CTNNA2: variants seen among roughly 807,000 people sequenced by gnomAD.
CTNNA2 encodes catenin alpha 2.
CTNNA2 carries 42 observed loss-of-function variants against 101.0 expected under a neutral mutation model. The ratio of observed to expected loss-of-function variants is 0.42; its 90% CI spans 0.32 to 0.54. The LOEUF is 0.54. CTNNA2 is among the 20% of genes least tolerant of loss of function. The probability of loss-of-function intolerance (pLI) is 0.14; values close to 1 mark genes in which losing one functional copy is unlikely to be tolerated. For missense variants in CTNNA2, 871 were observed against 1,223.1 expected (o/e 0.71, Z 4.29); for synonymous variants, 450 against 456.4 (o/e 0.99, Z 0.18).
chr2:79,399,351 A>G (rs972249619), intron 4 of CTNNA2, among the ~76,000 whole-genome samples: 1 of 152,098 alleles, frequency 6.6e-6, no homozygotes, highest in African/African-American at 2.4e-5. Context: ...AGATTTGAGT[A>G]GACACTAAGC....
chr2:79,888,733 T>C (rs1443898916), intron 6 of CTNNA2, among the ~76,000 whole-genome samples: 1 of 152,208 alleles, frequency 6.6e-6, no homozygotes. Context: ...CTAGTGTGAC[T>C]GATTTTTGCT....
intron 7 of CTNNA2, among the ~76,000 whole-genome samples, chr2:80,147,482 G>A (rs1031990579): frequency 9.9e-5 from 15 of 152,150 alleles, no homozygotes; most frequent in African/African-American, 3.6e-4. Flanking sequence ...GGTCCTAGCT[G>A]AGGGGCACCA....
chr2:80,165,582 T>C (rs1347232597), intron 7 of CTNNA2, among the ~76,000 whole-genome samples: 1 of 152,188 alleles, frequency 6.6e-6, no homozygotes, highest in Non-Finnish European at 1.5e-5. Context: ...TCTGTTGACA[T>C]GTAAGTGGGG....
At chr2:80,127,898 C>T (rs1702224102) in intron 7 of CTNNA2, among the ~76,000 whole-genome samples, 1 of 152,118 alleles carries the variant, frequency 6.6e-6, no homozygotes, top group Admixed American at 6.6e-5. Flanking sequence ...TCAGTATGAT[C>T]TCTGTGGGAG....
At chr2:79,713,051 C>T (rs2104818451) in intron 2 of CTNNA2, among the ~76,000 whole-genome samples, 1 of 152,230 alleles carries the variant, frequency 6.6e-6, no homozygotes, top group South Asian at 2.1e-4. Flanking sequence ...CCAACCTGGG[C>T]TTTCTTTACA....
intron 3 of CTNNA2, among the ~76,000 whole-genome samples, chr2:79,758,936 A>G (rs1426466417): frequency 6.6e-6 from 1 of 152,178 alleles, no homozygotes; most frequent in East Asian, 1.9e-4. Context: ...TGTTAGGTGC[A>G]TGTTAATAAA....
At chr2:79,303,415 G>A (rs1011416358) in intron 2 of CTNNA2, among the ~76,000 whole-genome samples, 2 of 152,060 alleles carry the variant, frequency 1.3e-5, no homozygotes, top group Non-Finnish European at 2.9e-5. Flanking sequence ...CTGGGAGAGG[G>A]GCTATCAATT....
intron 18 of CTNNA2, among the ~76,000 whole-genome samples, chr2:80,625,995 A>G (rs978111320): frequency 6.6e-6 from 1 of 152,122 alleles, no homozygotes; most frequent in Non-Finnish European, 1.5e-5. Flanking sequence ...AAAAAGCTGA[A>G]TGAATCAAAT....
rs374148435 is a variant in CTNNA2 at position 79,970,059 on chromosome 2, A to G, written c.1056+60262A>G. ...ACATGTGAAAGGTTTAGATCCTTACAGTAAATAGGTGCATACTCCTAGTAG... is the reference window on the plus strand; with the variant it reads ...ACATGTGAAAGGTTTAGATCCTTACGGTAAATAGGTGCATACTCCTAGTAG... On this transcript the variant is annotated intron_variant, in intron 7 of 18. Coordinates refer to ENST00000402739, the MANE Select transcript of CTNNA2 (RefSeq NM_001282597.3). Among the ~76,000 whole-genome samples, 43 of 152,340 alleles carry G rather than the reference A, an allele frequency of 2.8e-4. 1 individual carries two copies. The South Asian group carries it at 7.9e-3, about 28-fold the overall frequency.
chr2:80,203,653 G>A (rs868723823), intron 7 of CTNNA2, among the ~76,000 whole-genome samples: 2 of 152,322 alleles, frequency 1.3e-5, no homozygotes, highest in South Asian at 4.1e-4. Flanking sequence ...CTGGTTTTGG[G>A]TGTCTGCAGC....
At chr2:79,196,878 C>T (rs1673968286) in intron 1 of CTNNA2, among the ~76,000 whole-genome samples, 1 of 152,116 alleles carries the variant, frequency 6.6e-6, no homozygotes, top group Admixed American at 6.5e-5. Flanking sequence ...TTTAGGGATG[C>T]ATGCTTCTTT....
chr2:79,298,431 A>C (rs1302201638), intron 2 of CTNNA2, among the ~76,000 whole-genome samples: 1 of 152,138 alleles, frequency 6.6e-6, no homozygotes, highest in African/African-American at 2.4e-5. Flanking sequence ...TGAGATTTGG[A>C]AGGGACAAGC....
intron 15 of CTNNA2, among the ~76,000 whole-genome samples, chr2:80,593,149 T>C (rs1311876565): frequency 6.6e-6 from 1 of 152,098 alleles, no homozygotes; most frequent in East Asian, 1.9e-4. Flanking sequence ...AACATGAGAT[T>C]ACCCATAGCA....
At position 79,286,924 on chromosome 2, in the gene CTNNA2, T is replaced by A. The variant is rs556592764; in HGVS notation, c.-405-25785T>A. Among the ~76,000 whole-genome samples, 65 of 152,336 alleles carry A rather than the reference T, an allele frequency of 4.3e-4. No individual in the cohort carries two copies. The South Asian group carries it at 0.012, about 29-fold the overall frequency. On this transcript the variant is annotated intron_variant, in intron 2 of 21. Coordinates refer to the CTNNA2 transcript ENST00000466387. ...ACATAGATTTGGTCTTTTCACATAGTCCCATATTTCTTGGAGGCTTTGCTC... is the reference window on the plus strand; with the variant it reads ...ACATAGATTTGGTCTTTTCACATAGACCCATATTTCTTGGAGGCTTTGCTC...
chr2:80,425,120 C>T (rs1427085974), intron 9 of CTNNA2, among the ~76,000 whole-genome samples: 1 of 152,136 alleles, frequency 6.6e-6, no homozygotes, highest in Non-Finnish European at 1.5e-5. Context: ...GGTTAGGCTC[C>T]CCTCAATGAG....
chr2:79,844,234 T>C (rs1421184010), intron 3 of CTNNA2, among the ~76,000 whole-genome samples: 1 of 152,156 alleles, frequency 6.6e-6, no homozygotes, highest in East Asian at 1.9e-4. Context: ...AATCTCAGAA[T>C]GAGTCAAGAT....
At chr2:79,969,474 G>A (rs1385374933) in intron 7 of CTNNA2, among the ~76,000 whole-genome samples, 1 of 152,186 alleles carries the variant, frequency 6.6e-6, no homozygotes. Context: ...CAATAACGCG[G>A]TTAAAAGAAA....
intron 18 of CTNNA2, among the ~76,000 whole-genome samples, chr2:80,628,268 T>A (rs552082850): frequency 6.6e-6 from 1 of 151,928 alleles, no homozygotes; most frequent in Non-Finnish European, 1.5e-5. Context: ...AAAAACACTT[T>A]AAATTTCATG....
At chr2:79,654,046 T>A (rs12713990) in intron 2 of CTNNA2, among the ~76,000 whole-genome samples, 84,719 of 151,944 alleles carry the variant, frequency 0.56, 24,088 homozygotes, top group East Asian at 0.71. Context: ...AAGAAGTTAA[T>A]GGTTTTCTCT....
Sources: allele counts gnomAD v4.1 joint callset (sites outside exome capture counted in the v4.1 genomes callset), GRCh38; gene constraint gnomAD v4.1.1; transcripts MANE v1.5; gene names NCBI Gene and HGNC (gene_info 2026-07-23, HGNC 2026-07-21).